The following ACBD6 variants were observed in gnomAD, a reference collection of about 807,000 sequenced individuals.
ACBD6 encodes the protein acyl-CoA binding domain containing 6, also known as acyl-CoA-binding domain-containing protein 6.
ACBD6 carries 28 observed loss-of-function variants against 37.2 expected under a neutral mutation model. The ratio of observed to expected loss-of-function variants is 0.75; its 90% CI spans 0.56 to 1.03. ACBD6 has a LOEUF of 1.03. Among genes scored for constraint, ACBD6 ranks in the 50% least tolerant of loss-of-function variants. The pLI is 0.00. For synonymous variants in ACBD6, 113 were observed against 126.8 expected (o/e 0.89, Z 0.73); for missense variants, 340 against 337.4 (o/e 1.01, Z -0.06).
At chr1:180,327,108 G>A (rs1268975127) in intron 6 of ACBD6, among the ~76,000 whole-genome samples, 1 of 152,194 alleles carries the variant, frequency 6.6e-6, no homozygotes, top group Non-Finnish European at 1.5e-5. Context: ...TTACAGTCCT[G>A]TGGCCTAGAC....
intron 4 of ACBD6, among the ~76,000 whole-genome samples, chr1:180,429,966 T>C (rs1172180199): frequency 6.6e-6 from 1 of 152,166 alleles, no homozygotes; most frequent in Non-Finnish European, 1.5e-5. Flanking sequence ...TTTTAAAGAT[T>C]ATACACCTAA....
downstream of ACBD6, among the ~76,000 whole-genome samples, chr1:180,285,443 T>C (rs1649460512): frequency 6.6e-6 from 1 of 152,200 alleles, no homozygotes; most frequent in Non-Finnish European, 1.5e-5. Flanking sequence ...CCTTAGGAAC[T>C]GGGATTTGAA....
chr1:180,379,778 C>G (rs1228069601), intron 6 of ACBD6, among the ~76,000 whole-genome samples: 4 of 151,858 alleles, frequency 2.6e-5, no homozygotes. Flanking sequence ...ATAAAATGAC[C>G]AAATAGGCAA....
intron 6 of ACBD6, among the ~76,000 whole-genome samples, chr1:180,377,061 C>T (rs1392963330): frequency 2.0e-5 from 3 of 152,012 alleles, no homozygotes; most frequent in Non-Finnish European, 2.9e-5. Context: ...AAATGTTTCA[C>T]ACAGAGGTAT....
chr1:180,318,304 T>TA (rs1650915753), intron 6 of ACBD6, among the ~76,000 whole-genome samples: 1 of 152,314 alleles, frequency 6.6e-6, no homozygotes, highest in South Asian at 2.1e-4. Context: ...TTCTCATGTT[T>TA]AAAAAATTCT....
intron 3 of ACBD6, among the ~76,000 whole-genome samples, chr1:180,481,727 C>T (rs1439408428): frequency 2.0e-5 from 3 of 151,400 alleles, no homozygotes; most frequent in African/African-American, 7.3e-5. Context: ...AAAAGAAGAA[C>T]CAGAAGGTTG....
chr1:180,500,476 T>C (rs1266745877), intron 1 of ACBD6, among the ~76,000 whole-genome samples: 6 of 151,680 alleles, frequency 4.0e-5, no homozygotes, highest in Non-Finnish European at 8.8e-5. Context: ...GCAGATCACC[T>C]AAGGTCAGGA....
intron 6 of ACBD6, among the ~76,000 whole-genome samples, chr1:180,386,044 C>G (rs1334311249): frequency 6.6e-6 from 1 of 152,116 alleles, no homozygotes; most frequent in Non-Finnish European, 1.5e-5. Flanking sequence ...GTGGTGCGTA[C>G]CTGTAGCCCC....
At position 180,377,919 on chromosome 1, in the gene ACBD6, C is replaced by G. The variant is rs144684521; in HGVS notation, c.663+19597G>C. 9.7e-3 allele frequency among the ~76,000 whole-genome samples: 1,463 copies of G among 150,752 alleles called. 31 individuals are homozygous for G. Among genetic ancestry groups the G allele is most frequent in the African/African-American group, 0.034 (1,414 of 41,088 alleles). On this transcript the variant is annotated intron_variant, in intron 6 of 7. Coordinates refer to ENST00000367595, the MANE Select transcript of ACBD6 (RefSeq NM_032360.4). ...CCGTGATTGCTCCACTGCACTCCAG[C>G]CTGGGCGACAAGAACAAAACTCTGT...
chr1:180,411,728 C>T (rs1274909276), intron 5 of ACBD6, among the ~76,000 whole-genome samples: 1 of 152,222 alleles, frequency 6.6e-6, no homozygotes, highest in East Asian at 1.9e-4. Context: ...TGCCATGGCG[C>T]GATCTAGGCT....
In ACBD6 at chr1:180,295,586, C is replaced by A. The variant is rs1437061186; in HGVS notation, c.695-7069G>T. ...AAGTCTATCGGTGCCATTTTCCCAA[C>A]AGCATTTGTTCATTTTGTGTCTCTG... is the stretch of plus-strand genomic sequence containing the variant. On this transcript the variant is annotated intron_variant, in intron 7 of 7. Transcript: ENST00000367595. 2.0e-5 allele frequency among the ~76,000 whole-genome samples: 3 copies of A among 152,032 alleles called. No homozygotes were observed. The East Asian group carries it at 5.8e-4, about 29-fold the overall frequency.
rs879316763 is a variant in ACBD6, at chr1:180,293,245, T to C, written c.695-4728A>G. Among the ~76,000 whole-genome samples, 26 of 152,222 alleles carry C rather than the reference T, an allele frequency of 1.7e-4. 1 individual carries two copies. Among genetic ancestry groups the C allele is most frequent in the Admixed American group, 1.5e-3 (23 of 15,292 alleles). ...GTAATTCTGGTTTCACAGAATGAGC[T>C]GGGCAGTGCTCCCTCCCCTTCTATT... is the stretch of plus-strand genomic sequence containing the variant. On this transcript the variant is annotated intron_variant, in intron 7 of 7. Transcript: ENST00000367595.
intron 6 of ACBD6, among the ~76,000 whole-genome samples, chr1:180,323,347 G>T (rs770467548): frequency 6.6e-6 from 1 of 152,042 alleles, no homozygotes; most frequent in African/African-American, 2.4e-5. Context: ...CCTTGAGAAT[G>T]ATTTATGTGC....
chr1:180,289,750 A>G (rs150798443), intron 7 of ACBD6, among the ~76,000 whole-genome samples: 79 of 152,346 alleles, frequency 5.2e-4, no homozygotes, highest in African/African-American at 1.9e-3. Flanking sequence ...CTAATGAACT[A>G]TAGCTTCACA....
At chr1:180,437,995 G>A (rs1649121048) in intron 3 of ACBD6, among the ~76,000 whole-genome samples, 1 of 152,176 alleles carries the variant, frequency 6.6e-6, no homozygotes, top group South Asian at 2.1e-4. Context: ...TACATGGCCT[G>A]TCAGGAACCT....
intron 6 of ACBD6, among the ~76,000 whole-genome samples, chr1:180,315,252 AGTT>A (rs1650752622): frequency 2.0e-5 from 3 of 152,226 alleles, no homozygotes; most frequent in South Asian, 2.1e-4. Context: ...AAGTCCCAGA[AGTT>A]GTTAAGAAAG....
chr1:180,319,902 T>C (rs549767160), intron 6 of ACBD6, among the ~76,000 whole-genome samples: 2 of 152,306 alleles, frequency 1.3e-5, no homozygotes, highest in East Asian at 3.9e-4. Flanking sequence ...ATCCATTCGT[T>C]TGCTGATGGA....
chr1:180,444,966 C>T (rs1649421447), intron 3 of ACBD6, among the ~76,000 whole-genome samples: 1 of 152,140 alleles, frequency 6.6e-6, no homozygotes, highest in East Asian at 1.9e-4. Flanking sequence ...AGGTTTCTTG[C>T]TTCTGTGTGC....
In ACBD6 at chr1:180,502,456, C is replaced by A; in HGVS notation, c.-190G>T. 4.5e-6 allele frequency: 3 copies of A among 665,244 alleles called. No homozygotes were observed. Among genetic ancestry groups the A allele is most frequent in the Non-Finnish European group, 8.0e-6 (3 of 375,178 alleles). The allele number at this position is 665,244 out of a possible 1,614,324, so 41.2% of individuals were successfully genotyped here. A position where few individuals can be genotyped will look rare whatever the true frequency, so the allele number is the denominator to read the frequency against. On this transcript the variant is annotated 5_prime_UTR_variant, in exon 1 of 8. Transcript: ENST00000367595. ...ACTTCTACTCCCTGGGCGTGCAGAGCAGGCTCCTCGACCCTCTGCCGCTCT... is the reference window on the plus strand; with the variant it reads ...ACTTCTACTCCCTGGGCGTGCAGAGAAGGCTCCTCGACCCTCTGCCGCTCT...
Sources: gnomAD v4.1 joint callset for allele counts (sites outside exome capture counted in the v4.1 genomes callset) on GRCh38, gnomAD v4.1.1 for gene constraint, MANE v1.5 for transcripts, NCBI Gene and HGNC (gene_info 2026-07-23, HGNC 2026-07-21) for gene names.